Variants in CSMD1 observed in about 807,000 individuals in gnomAD.
CSMD1 encodes CUB and sushi domain-containing protein 1.
In CSMD1, 213 loss-of-function variants were observed where a neutral mutation model predicts 417.5. The observed-to-expected ratio is 0.51, with a 90% confidence interval of 0.46 to 0.57. CSMD1 has a LOEUF of 0.57. CSMD1 is among the 20% of genes least tolerant of loss of function. The probability of loss-of-function intolerance (pLI) is 0.00; values close to 1 mark genes in which losing one functional copy is unlikely to be tolerated. For missense variants in CSMD1, 6,923 were observed against 4,529.7 expected (o/e 1.53, Z -15.17); for synonymous variants, 2,862 against 1,736.8 (o/e 1.65, Z -16.11).
At chr8:4,450,403 G>C (rs184649549) in intron 2 of CSMD1, among the ~76,000 whole-genome samples, 19 of 152,098 alleles carry the variant, frequency 1.2e-4, no homozygotes, top group Non-Finnish European at 2.4e-4. Flanking sequence ...TGAGGCAGGC[G>C]GATCAGCAGG....
At chr8:4,687,077 G>A (rs945914479) in intron 1 of CSMD1, among the ~76,000 whole-genome samples, 1 of 152,164 alleles carries the variant, frequency 6.6e-6, no homozygotes, top group Non-Finnish European at 1.5e-5. Context: ...CAGGCGAGCC[G>A]GCCCCTGTGC....
At chr8:4,129,074 C>CAAA (rs10538387) in intron 3 of CSMD1, among the ~76,000 whole-genome samples, 11 of 80,716 alleles carry the variant, frequency 1.4e-4, no homozygotes, top group African/African-American at 2.2e-4. Flanking sequence ...GAGTCCAACT[C>CAAA]AAAAAAAAAA....
At chr8:3,404,541 C>T (rs748762000) in intron 15 of CSMD1, among the ~76,000 whole-genome samples, 1 of 151,804 alleles carries the variant, frequency 6.6e-6, no homozygotes, top group Non-Finnish European at 1.5e-5. Context: ...AATGTTATTC[C>T]GAGGTATTTT....
Position 3,669,117 on chromosome 8 carries a change from G to A in CSMD1, c.1009+39297C>T, listed in dbSNP as rs559174795. Among the ~76,000 whole-genome samples the A allele has an allele frequency of 1.5e-3, 221 of 152,280 alleles. 1 individual carries two copies. Among genetic ancestry groups the A allele is most frequent in the Non-Finnish European group, 2.6e-3 (179 of 68,034 alleles). ...AAGCCATTAACGTACAGAAAAATTA[G>A]TTAATTATCCCTCAAGGGCAGAATG... On this transcript the variant is annotated intron_variant, in intron 7 of 69. Transcript: ENST00000635120.
At chr8:3,313,807 G>A (rs1382927557) in intron 23 of CSMD1, among the ~76,000 whole-genome samples, 3 of 152,172 alleles carry the variant, frequency 2.0e-5, no homozygotes, top group South Asian at 2.1e-4. Context: ...GCTTCTATAA[G>A]GAAACATGCA....
intron 11 of CSMD1, among the ~76,000 whole-genome samples, chr8:3,490,960 G>A (rs551846056): frequency 1.3e-5 from 2 of 152,278 alleles, no homozygotes; most frequent in South Asian, 2.1e-4. Flanking sequence ...ATGTTCCACT[G>A]AGGTTTATAT....
chr8:3,825,941 A>T (rs1194328662), intron 5 of CSMD1, among the ~76,000 whole-genome samples: 1 of 152,232 alleles, frequency 6.6e-6, no homozygotes, highest in East Asian at 1.9e-4. Context: ...ATAAATTCCA[A>T]CTTAAGATTA....
intron 3 of CSMD1, among the ~76,000 whole-genome samples, chr8:4,039,035 A>G (rs1268410059): frequency 7.0e-6 from 1 of 142,842 alleles, no homozygotes; most frequent in African/African-American, 2.7e-5. Context: ...TTTCCAAAAG[A>G]AAAGTGAAAG....
intron 26 of CSMD1, among the ~76,000 whole-genome samples, chr8:3,270,736 G>A (rs1054702613): frequency 6.6e-6 from 1 of 152,066 alleles, no homozygotes; most frequent in African/African-American, 2.4e-5. Context: ...AAATAATCCA[G>A]AGGGGAAGGA....
At chr8:4,644,362 A>C (rs1369125047) in intron 1 of CSMD1, among the ~76,000 whole-genome samples, 1 of 151,754 alleles carries the variant, frequency 6.6e-6, no homozygotes, top group Non-Finnish European at 1.5e-5. Flanking sequence ...CTTTCCAGAC[A>C]CTCATATCTC....
intron 3 of CSMD1, among the ~76,000 whole-genome samples, chr8:4,226,877 A>C (rs1014290444): frequency 2.0e-5 from 3 of 152,230 alleles, no homozygotes; most frequent in African/African-American, 7.2e-5. Context: ...TGGGAATAAG[A>C]AATACATATT....
intron 1 of CSMD1, among the ~76,000 whole-genome samples, chr8:4,872,042 C>G (rs1016746657): frequency 2.6e-5 from 4 of 152,100 alleles, no homozygotes; most frequent in East Asian, 1.9e-4. Context: ...CTCCTGCAGA[C>G]AATATTAATA....
intron 1 of CSMD1, among the ~76,000 whole-genome samples, chr8:4,770,602 G>C (rs547761698): frequency 1.3e-5 from 2 of 151,930 alleles, no homozygotes; most frequent in East Asian, 1.9e-4. Context: ...TATGGCATTG[G>C]CATAAGAAAA....
chr8:3,526,606 C>G (rs574904964), intron 10 of CSMD1, among the ~76,000 whole-genome samples: 2 of 152,122 alleles, frequency 1.3e-5, no homozygotes, highest in Non-Finnish European at 2.9e-5. Flanking sequence ...TGTGATCCTA[C>G]AAGTATTAGT....
At chr8:3,597,262 G>C (rs777698319) in intron 8 of CSMD1, among the ~76,000 whole-genome samples, 1 of 152,108 alleles carries the variant, frequency 6.6e-6, no homozygotes, top group Non-Finnish European at 1.5e-5. Context: ...TAGAGGCACC[G>C]GTGAGACAGA....
intron 21 of CSMD1, among the ~76,000 whole-genome samples, chr8:3,357,618 T>C (rs1400473871): frequency 6.6e-6 from 1 of 152,220 alleles, no homozygotes; most frequent in African/African-American, 2.4e-5. Context: ...TTAATCATTA[T>C]AATCAGTAGA....
At chr8:4,865,782 C>G (rs955757092) in intron 1 of CSMD1, among the ~76,000 whole-genome samples, 1 of 151,842 alleles carries the variant, frequency 6.6e-6, no homozygotes, top group African/African-American at 2.4e-5. Context: ...AAACCTCAAT[C>G]TATGCATTGC....
intron 5 of CSMD1, among the ~76,000 whole-genome samples, chr8:3,808,776 G>C (rs1173019022): frequency 2.0e-5 from 3 of 152,192 alleles, no homozygotes; most frequent in South Asian, 2.1e-4. Context: ...GCTTTAGGTA[G>C]TTTGTCTCGG....
intron 3 of CSMD1, among the ~76,000 whole-genome samples, chr8:4,150,183 G>A (rs147810053): frequency 0.012 from 1,820 of 152,258 alleles, 30 homozygotes; most frequent in African/African-American, 0.041. Context: ...ATGTCCTGAG[G>A]CATCTGTCTT....
Sources: allele counts gnomAD v4.1 joint callset (sites outside exome capture counted in the v4.1 genomes callset), GRCh38; gene constraint gnomAD v4.1.1; transcripts MANE v1.5; gene names NCBI Gene and HGNC (gene_info 2026-07-23, HGNC 2026-07-21).